The following BCL11B variants were observed in gnomAD, a reference collection of about 807,000 sequenced individuals.
BCL11B encodes the protein B-cell lymphoma/leukemia 11B.
A neutral mutation model predicts 49.9 loss-of-function variants in BCL11B; 8 were observed. The observed-to-expected ratio is 0.16, with a 90% CI of 0.09 to 0.29. BCL11B has a LOEUF of 0.29. Ranked by LOEUF, BCL11B falls within the 10% of genes least tolerant of loss-of-function variation. The pLI is 1.00. For missense variants in BCL11B, 1,006 were observed against 1,351.0 expected (o/e 0.74, Z 4.00); for synonymous variants, 739 against 637.4 (o/e 1.16, Z -2.40).
chr14:99,191,069 TA>T (rs1458806729), intron 3 of BCL11B, among the ~76,000 whole-genome samples: 1 of 152,204 alleles, frequency 6.6e-6, no homozygotes, highest in Non-Finnish European at 1.5e-5. Context: ...TAGATACTAA[TA>T]TTCCCCCAGG....
intron 3 of BCL11B, among the ~76,000 whole-genome samples, chr14:99,203,400 G>A (rs1035690253): frequency 6.6e-6 from 1 of 152,142 alleles, no homozygotes; most frequent in African/African-American, 2.4e-5. Flanking sequence ...TGCATGCCTG[G>A]GGCCAACAGA....
chr14:99,200,807 C>A (rs767803693), intron 3 of BCL11B, among the ~76,000 whole-genome samples: 1 of 152,204 alleles, frequency 6.6e-6, no homozygotes, highest in South Asian at 2.1e-4. Flanking sequence ...GACTGCCCTG[C>A]GTGTGGCTCA....
rs766671532 is a variant in BCL11B, at chr14:99,174,604, C to A, written c.2232G>T (p.Ser744=). 5.2e-6 allele frequency: 8 copies of A among 1,537,854 alleles called. No individual in the cohort carries two copies. The Admixed American group carries it at 7.9e-5, about 15-fold the overall frequency. ...AGAAGCGCAGGCTGCCGTTCTCGGACGAGTGCTCGGACGACGTGGCGAAGG... is the reference window on the plus strand; with the variant it reads ...AGAAGCGCAGGCTGCCGTTCTCGGAAGAGTGCTCGGACGACGTGGCGAAGG... ...QSPFATSSEH[S]SENGSLRFST... Residue 744 remains serine, a synonymous_variant, in exon 4 of 4, where the codon TCG becomes TCT. Transcript: ENST00000357195.
chr14:99,216,037 A>AC (rs1887825202), intron 3 of BCL11B, among the ~76,000 whole-genome samples: 1 of 152,248 alleles, frequency 6.6e-6, no homozygotes, highest in South Asian at 2.1e-4. Flanking sequence ...TGCAATAATA[A>AC]TAATCATAGT....
At position 99,254,313 on chromosome 14, in the gene BCL11B, A is replaced by T. The variant is rs182898995; in HGVS notation, c.427+3158T>A. Among the ~76,000 whole-genome samples the T allele has an allele frequency of 2.8e-4, 43 of 152,372 alleles. 1 individual carries two copies. The East Asian group carries it at 8.3e-3, about 29-fold the overall frequency. ...ACTCTCCAGAATGACTATCCCGAGGAAACAGCTGATATGGGGTCCCCGACC... is the reference window on the plus strand; with the variant it reads ...ACTCTCCAGAATGACTATCCCGAGGTAACAGCTGATATGGGGTCCCCGACC... On this transcript the variant is annotated intron_variant, in intron 2 of 3. Coordinates refer to ENST00000357195, the MANE Select transcript of BCL11B (RefSeq NM_138576.4).
intron 3 of BCL11B, among the ~76,000 whole-genome samples, chr14:99,204,889 C>T (rs757987481): frequency 7.2e-5 from 11 of 152,184 alleles, no homozygotes; most frequent in African/African-American, 1.4e-4. Flanking sequence ...CATAAATGTA[C>T]ACACAATAAG....
chr14:99,208,525 A>T (rs1887598731), intron 3 of BCL11B, among the ~76,000 whole-genome samples: 1 of 152,234 alleles, frequency 6.6e-6, no homozygotes, highest in Non-Finnish European at 1.5e-5. Flanking sequence ...TAAAAGGGCC[A>T]TTCCTTCTAG....
chr14:99,202,183 T>A (rs1887404325), intron 3 of BCL11B, among the ~76,000 whole-genome samples: 1 of 151,986 alleles, frequency 6.6e-6, no homozygotes, highest in African/African-American at 2.4e-5. Context: ...AGAAACAGGA[T>A]CTCACTATAT....
chr14:99,185,174 C>T (rs1042018364), intron 3 of BCL11B, among the ~76,000 whole-genome samples: 5 of 152,156 alleles, frequency 3.3e-5, no homozygotes, highest in African/African-American at 1.2e-4. Context: ...CGGTGGCTCA[C>T]GCCTGGAATC....
At chr14:99,235,889 G>GA (rs1190432369) in intron 2 of BCL11B, among the ~76,000 whole-genome samples, 2 of 90,338 alleles carry the variant, frequency 2.2e-5, no homozygotes, top group African/African-American at 3.7e-5. Context: ...GGAGAAGGGG[G>GA]AAAAAATTAA....
chr14:99,204,391 C>T (rs1168689018), intron 3 of BCL11B, among the ~76,000 whole-genome samples: 1 of 152,166 alleles, frequency 6.6e-6, no homozygotes. Context: ...CTGTCCTGAG[C>T]ACCCGAGCTC....
At chr14:99,215,466 A>G (rs1887807660) in intron 3 of BCL11B, among the ~76,000 whole-genome samples, 1 of 152,232 alleles carries the variant, frequency 6.6e-6, no homozygotes, top group Non-Finnish European at 1.5e-5. Context: ...TGGCCGTGAA[A>G]AGAATTCTAA....
chr14:99,257,496 G>A lies in BCL11B; in HGVS notation c.402C>T (p.Ile134=). The A allele has an allele frequency of 6.2e-7, 1 of 1,609,122 alleles. No homozygotes were observed. Among genetic ancestry groups the A allele is most frequent in the South Asian group, 1.1e-5 (1 of 90,454 alleles). The change falls in exon 2 of 4, where the codon ATC becomes ATT. Residue 134 remains isoleucine (I), a synonymous_variant. Transcript: ENST00000357195. This position sits in a 1 kb window ranked among gnomAD's most constrained non-coding sequence, Gnocchi z 6.2. ...CTGCAATGTTCTCCTGCTTGGGACA[G>A]ATGCCTTTCGTGGGTGAGAGCAGGT... ...DDHLLSPTKG[I]CPKQENIAGP...
At position 99,175,625 on chromosome 14, in the gene BCL11B, A is replaced by G. The variant is rs974920519; in HGVS notation, c.1211T>C (p.Leu404Pro). The G allele has an allele frequency of 6.4e-7, 1 of 1,559,528 alleles. No homozygotes were observed. The highest frequency in any genetic ancestry group is 8.6e-7 in the Non-Finnish European group (1 of 1,161,364). Reference sequence around the variant, plus strand: ...CATGGGCGGCAGCGGCGGCGTGCTCAGGAACGGGGACTTGGGGCTGGGCTG... The same window carrying G: ...CATGGGCGGCAGCGGCGGCGTGCTCGGGAACGGGGACTTGGGGCTGGGCTG... ...PFQPSPKSPF[L>P]STPPLPPMPP... Residue 404 changes from leucine to proline, a missense_variant, in exon 4 of 4, where the codon CTG becomes CCG. Physicochemically the swap from Leu to Pro is moderately conservative, Grantham distance 98. This residue lies in a region of BCL11B where 97 missense variants were observed against 81.5 expected (regional missense o/e 1.19). Coordinates refer to ENST00000357195, the MANE Select transcript of BCL11B (RefSeq NM_138576.4).
At chr14:99,258,081 T>A (rs1052313306) in intron 1 of BCL11B, among the ~76,000 whole-genome samples, 1 of 152,198 alleles carries the variant, frequency 6.6e-6, no homozygotes, top group African/African-American at 2.4e-5. Flanking sequence ...ACGTAAGTAG[T>A]GCCGATCTTA....
chr14:99,260,007 C>T (rs1479356262), intron 1 of BCL11B, among the ~76,000 whole-genome samples: 1 of 152,106 alleles, frequency 6.6e-6, no homozygotes, highest in African/African-American at 2.4e-5. Context: ...ATTACATATA[C>T]ATAATTTCAG....
chr14:99,177,357 G>A (rs1470601169), intron 3 of BCL11B, among the ~76,000 whole-genome samples: 3 of 151,684 alleles, frequency 2.0e-5, no homozygotes, highest in Non-Finnish European at 4.4e-5. Flanking sequence ...GAGCCAAAAC[G>A]TCATCGTCTG....
In BCL11B at chr14:99,175,231, C is replaced by T; in HGVS notation, c.1605G>A (p.Glu535=). The change falls in exon 4 of 4, where the codon GAG becomes GAA. Residue 535 remains glutamate, a synonymous_variant. Transcript: ENST00000357195. ...GCTCCTCCTCCTCCTCCTCCTCCTC[C>T]TCGTCCTCCTCCTCCGGCTCGTGGC... ...SLGHEPEEED[E]EEEEEEEELL... is the part of the protein sequence containing the mutation. 6.5e-7 allele frequency: 1 copy of T among 1,548,174 alleles called. No homozygotes were observed.
intron 1 of BCL11B, among the ~76,000 whole-genome samples, chr14:99,263,390 C>G (rs370790329): frequency 1.6e-4 from 24 of 152,288 alleles, no homozygotes; most frequent in African/African-American, 5.8e-4. Flanking sequence ...AAACATGCTT[C>G]CCAGTGTGGG....
Sources: allele counts gnomAD v4.1 joint callset (sites outside exome capture counted in the v4.1 genomes callset), GRCh38; gene constraint gnomAD v4.1.1; regional missense constraint gnomAD v4.1.1; non-coding constraint Gnocchi (gnomAD v3.1); transcripts MANE v1.5; gene names NCBI Gene and HGNC (gene_info 2026-07-23, HGNC 2026-07-21).